The following AKAP7 variants were observed in gnomAD, a reference collection of about 807,000 sequenced individuals.
The protein encoded by AKAP7 is A-kinase anchoring protein 7.
AKAP7 carries 39 observed loss-of-function variants against 39.5 expected under a neutral mutation model. That is an observed-to-expected ratio of 0.99 (90% CI 0.76 to 1.29). The LOEUF (loss-of-function observed/expected upper bound fraction) is 1.29, where lower values mean the gene tolerates loss of function less well. Ranked by LOEUF, AKAP7 falls within the 50% of genes most tolerant of loss-of-function variation. The pLI is 0.00. For synonymous variants in AKAP7, 140 were observed against 139.1 expected, an observed-to-expected ratio of 1.01 and a Z score of -0.05; for missense variants, 414 against 407.7, an observed-to-expected ratio of 1.02 and a Z score of -0.13.
chr6:131,258,035 A>T (rs927180115), intron 7 of AKAP7, among the ~76,000 whole-genome samples: 1 of 152,186 alleles, frequency 6.6e-6, no homozygotes. Context: ...GCCATGTCCC[A>T]GTGTGTATTC....
intron 2 of AKAP7, among the ~76,000 whole-genome samples, chr6:131,154,468 G>GTTTTTTTTTTTTT (rs58715551): frequency 4.4e-5 from 5 of 112,542 alleles, no homozygotes; most frequent in African/African-American, 9.8e-5. Context: ...CCCTGTCCCT[G>GTTTTTTTTTTTTT]TTTTTTTTTT....
chr6:131,257,404 A>G (rs905987777), intron 7 of AKAP7, among the ~76,000 whole-genome samples: 5 of 151,410 alleles, frequency 3.3e-5, no homozygotes, highest in Admixed American at 2.6e-4. Context: ...GCTTGGCAGA[A>G]CTATGCTTTT....
intron 1 of AKAP7, among the ~76,000 whole-genome samples, chr6:131,136,450 T>TA (rs1476549167): frequency 6.6e-6 from 1 of 152,212 alleles, no homozygotes; most frequent in Non-Finnish European, 1.5e-5. Flanking sequence ...ATAAAAACGT[T>TA]AAAGTGTACT....
At chr6:131,132,353 T>C (rs1800347563), upstream of AKAP7, among the ~76,000 whole-genome samples, 1 of 151,972 alleles carries the variant, frequency 6.6e-6, no homozygotes, top group Non-Finnish European at 1.5e-5. Flanking sequence ...TATTAATTTG[T>C]TTTATGAAAG....
At chr6:131,275,001 T>C (rs1184906478) in intron 7 of AKAP7, among the ~76,000 whole-genome samples, 2 of 152,242 alleles carry the variant, frequency 1.3e-5, no homozygotes, top group African/African-American at 2.4e-5. Flanking sequence ...ACTTAATCTA[T>C]TGTTTTGCAA....
intron 6 of AKAP7, among the ~76,000 whole-genome samples, chr6:131,215,961 CAT>C (rs763871373): frequency 1.4e-4 from 22 of 152,162 alleles, no homozygotes; most frequent in Non-Finnish European, 3.1e-4. Context: ...TATTGGAAAA[CAT>C]AGCAGAAATC....
At chr6:131,165,577 T>C (rs1466401670) in intron 4 of AKAP7, among the ~76,000 whole-genome samples, 2 of 152,158 alleles carry the variant, frequency 1.3e-5, no homozygotes, top group Admixed American at 6.5e-5. Context: ...ACTTTCTAAG[T>C]AAATGAAGAA....
chr6:131,178,140 C>T (rs1397490497), intron 5 of AKAP7, among the ~76,000 whole-genome samples: 3 of 152,242 alleles, frequency 2.0e-5, no homozygotes, highest in Non-Finnish European at 4.4e-5. Context: ...CATTGCAATG[C>T]TTGCGTCCTT....
chr6:131,197,742 T>C (rs1393075590), intron 5 of AKAP7, among the ~76,000 whole-genome samples: 1 of 152,200 alleles, frequency 6.6e-6, no homozygotes, highest in Non-Finnish European at 1.5e-5. Context: ...ATAGTTTCCA[T>C]GTCTCTACTT....
At chr6:131,277,331 C>T (rs909299061) in intron 7 of AKAP7, among the ~76,000 whole-genome samples, 1 of 152,174 alleles carries the variant, frequency 6.6e-6, no homozygotes, top group Non-Finnish European at 1.5e-5. Flanking sequence ...AAGACAAAGG[C>T]TAATCTGTCA....
intron 5 of AKAP7, among the ~76,000 whole-genome samples, chr6:131,180,829 G>GTTTTTTTTTT: frequency 1.2e-5 from 1 of 82,198 alleles, no homozygotes; most frequent in African/African-American, 4.8e-5. Context: ...TTTTTTGTTT[G>GTTTTTTTTTT]TTTTGTTTTT....
At chr6:131,133,307 G>T (rs6927868), upstream of AKAP7, among the ~76,000 whole-genome samples, 2,970 of 152,238 alleles carry the variant, frequency 0.02, 81 homozygotes, top group African/African-American at 0.066. Context: ...AATTACAGGT[G>T]TTATCCTTTT....
intron 7 of AKAP7, among the ~76,000 whole-genome samples, chr6:131,252,784 G>A (rs769077943): frequency 9.2e-5 from 14 of 152,122 alleles, no homozygotes; most frequent in Non-Finnish European, 1.6e-4. Context: ...CTTGCTGCTC[G>A]ATTGTACCGT....
intron 7 of AKAP7, among the ~76,000 whole-genome samples, chr6:131,251,446 T>C (rs1048746882): frequency 6.6e-6 from 1 of 152,196 alleles, no homozygotes; most frequent in Non-Finnish European, 1.5e-5. Context: ...TTGTGTCATA[T>C]CAGTGCTTGA....
intron 4 of AKAP7, 73 bp from the exon 5 acceptor site, chr6:131,169,040 A>T (rs192612517): frequency 7.8e-7 from 1 of 1,289,044 alleles, no homozygotes; most frequent in Non-Finnish European, 1.1e-6. Flanking sequence ...TAAAACTGGT[A>T]CTTTGTATCT....
At chr6:131,254,269 G>C (rs1812676875) in intron 7 of AKAP7, among the ~76,000 whole-genome samples, 1 of 152,094 alleles carries the variant, frequency 6.6e-6, no homozygotes, top group Admixed American at 6.6e-5. Context: ...AAATACTATA[G>C]GTATTTTCCA....
chr6:131,230,276 AT>A (rs925118967), intron 7 of AKAP7, among the ~76,000 whole-genome samples: 2 of 152,084 alleles, frequency 1.3e-5, no homozygotes, highest in African/African-American at 4.8e-5. Context: ...TTGACTTTTT[AT>A]TAATAGATAT....
chr6:131,245,097 A>ATGTG (rs1425511998), intron 7 of AKAP7, among the ~76,000 whole-genome samples: 20 of 152,148 alleles, frequency 1.3e-4, no homozygotes, highest in Non-Finnish European at 2.4e-4. Context: ...TTATAGATAA[A>ATGTG]GTTTTTTCGG....
At chr6:131,138,129 C>T (rs2128222781) in intron 1 of AKAP7, among the ~76,000 whole-genome samples, 1 of 152,300 alleles carries the variant, frequency 6.6e-6, no homozygotes, top group East Asian at 1.9e-4. Flanking sequence ...CCACCCTCCC[C>T]AGCCTCTGGT....
Sources: gnomAD v4.1 joint callset for allele counts (sites outside exome capture counted in the v4.1 genomes callset) on GRCh38, gnomAD v4.1.1 for gene constraint, MANE v1.5 for transcripts, NCBI Gene and HGNC (gene_info 2026-07-23, HGNC 2026-07-21) for gene names.